RNF217: variants seen among roughly 807,000 people sequenced by gnomAD.
The protein encoded by RNF217 is E3 ubiquitin-protein ligase RNF217.
RNF217 carries 31 observed loss-of-function variants against 57.8 expected under a neutral mutation model. The observed-to-expected ratio is 0.54, with a 90% confidence interval of 0.40 to 0.72. The LOEUF is 0.72. Among genes scored for constraint, RNF217 ranks in the 30% least tolerant of loss-of-function variants. The probability of loss-of-function intolerance (pLI) is 0.00; values close to 1 mark genes in which losing one functional copy is unlikely to be tolerated. For missense variants in RNF217, 696 were observed against 708.3 expected, an observed-to-expected ratio of 0.98 and a Z score of 0.20; for synonymous variants, 313 against 294.0, an observed-to-expected ratio of 1.06 and a Z score of -0.66.
chr6:124,981,196 G>A (rs1433616289), intron 1 of RNF217, among the ~76,000 whole-genome samples: 1 of 152,120 alleles, frequency 6.6e-6, no homozygotes, highest in Admixed American at 6.5e-5. Flanking sequence ...TATATTTTAT[G>A]TTTAAAACAG....
rs184691711 is a variant in RNF217, at chr6:125,067,825, T to C, written c.1282-8832T>C. On this transcript the variant is annotated intron_variant, in intron 3 of 5. Coordinates refer to ENST00000521654, the MANE Select transcript of RNF217 (RefSeq NM_001286398.3). The stretch of plus-strand genomic sequence containing the variant: ...AGTTGAAACCATTCGAATGTGGAAG[T>C]GATCACTCAAGGAGCAAATGCAAAG... Among the ~76,000 whole-genome samples the C allele has an allele frequency of 1.7e-3, 257 of 152,164 alleles. 5 individuals are homozygous for C. Among genetic ancestry groups the C allele is most frequent in the Non-Finnish European group, 1.3e-4 (9 of 68,014 alleles).
intron 1 of RNF217, among the ~76,000 whole-genome samples, chr6:125,040,133 A>G (rs1411155324): frequency 6.6e-6 from 1 of 152,148 alleles, no homozygotes; most frequent in East Asian, 1.9e-4. Context: ...AAAACCTTCA[A>G]AAAAATCAAT....
At chr6:125,012,917 C>T (rs1194263429) in intron 1 of RNF217, among the ~76,000 whole-genome samples, 1 of 152,058 alleles carries the variant, frequency 6.6e-6, no homozygotes, top group Non-Finnish European at 1.5e-5. Flanking sequence ...TTCAGAACTT[C>T]TAGTAAAATA....
chr6:125,026,218 C>G (rs2114442572), intron 1 of RNF217, among the ~76,000 whole-genome samples: 1 of 152,236 alleles, frequency 6.6e-6, no homozygotes, highest in South Asian at 2.1e-4. Flanking sequence ...TTTTGCAAAA[C>G]CTGGGTAGAC....
chr6:125,022,238 G>C (rs949638252), intron 1 of RNF217, among the ~76,000 whole-genome samples: 1 of 152,064 alleles, frequency 6.6e-6, no homozygotes, highest in African/African-American at 2.4e-5. Flanking sequence ...TGGTTTATAG[G>C]AGAAAATACA....
chr6:124,980,635 T>A (rs1227276876), intron 1 of RNF217, among the ~76,000 whole-genome samples: 1 of 152,182 alleles, frequency 6.6e-6, no homozygotes. Context: ...GGCCTTGGGG[T>A]CATGGCTTAA....
rs139617496 is a variant in RNF217 at position 125,009,285 on chromosome 6, A to G, written c.883-35926A>G. The G allele has an allele frequency of 4.5e-4, 717 of 1,588,502 alleles. 5 individuals are homozygous for G. The African/African-American group carries it at 8.6e-3, about 19-fold the overall frequency. On this transcript the variant is annotated intron_variant, in intron 1 of 5. Coordinates refer to ENST00000521654, the MANE Select transcript of RNF217 (RefSeq NM_001286398.3). ...ACCAGTTCAAGAAAGGGATGAAGGT[A>G]AAGTACATAGATGAAGAAGCCACAT... is the stretch of plus-strand genomic sequence containing the variant.
chr6:124,969,656 T>G (rs1783687707), intron 1 of RNF217, among the ~76,000 whole-genome samples: 1 of 152,212 alleles, frequency 6.6e-6, no homozygotes, highest in Non-Finnish European at 1.5e-5. Flanking sequence ...AAATACTTAT[T>G]ACATACAAGG....
At chr6:125,053,495 A>G (rs1464444379) in intron 2 of RNF217, among the ~76,000 whole-genome samples, 1 of 152,146 alleles carries the variant, frequency 6.6e-6, no homozygotes, top group East Asian at 1.9e-4. Flanking sequence ...GATGTTGTCT[A>G]ATATTTTGAA....
rs922543273 is a variant in RNF217, at chr6:124,982,455, A to G, written c.882+19029A>G. 3.3e-5 allele frequency among the ~76,000 whole-genome samples: 5 copies of G among 152,214 alleles called. No homozygotes were observed. The South Asian group carries it at 1.0e-3, about 32-fold the overall frequency. ...TTTATCTCACTTTCCAGATACTTGGATATTTTCTATAGCAAAAATGTGGTC... is the reference window on the plus strand; with the variant it reads ...TTTATCTCACTTTCCAGATACTTGGGTATTTTCTATAGCAAAAATGTGGTC... On this transcript the variant is annotated intron_variant, in intron 1 of 5. Transcript: ENST00000521654.
intron 4 of RNF217, among the ~76,000 whole-genome samples, chr6:125,080,209 A>T (rs907752554): frequency 6.6e-6 from 1 of 152,114 alleles, no homozygotes; most frequent in African/African-American, 2.4e-5. Flanking sequence ...AGTGTACTAA[A>T]CGTAATTATT....
intron 1 of RNF217, among the ~76,000 whole-genome samples, chr6:125,044,058 GT>G (rs34890554): frequency 0.46 from 67,947 of 149,196 alleles, 15,885 homozygotes; most frequent in South Asian, 0.61. Flanking sequence ...TATGAATTTA[GT>G]TTTTTTTTTT....
At chr6:124,967,153 A>G (rs1783574727) in intron 1 of RNF217, among the ~76,000 whole-genome samples, 1 of 152,188 alleles carries the variant, frequency 6.6e-6, no homozygotes, top group Admixed American at 6.5e-5. Flanking sequence ...TGGAACATTC[A>G]TTTCAGAAGT....
chr6:125,051,553 G>T (rs966480593), intron 2 of RNF217, among the ~76,000 whole-genome samples: 1 of 151,960 alleles, frequency 6.6e-6, no homozygotes, highest in African/African-American at 2.4e-5. Flanking sequence ...CTACCAGTTG[G>T]CCATGCAGAC....
At chr6:125,004,390 G>A (rs748344088) in intron 1 of RNF217, among the ~76,000 whole-genome samples, 1 of 152,204 alleles carries the variant, frequency 6.6e-6, no homozygotes, top group African/African-American at 2.4e-5. Context: ...TACCAGCACT[G>A]TCTAGCCAAG....
intron 1 of RNF217, among the ~76,000 whole-genome samples, chr6:124,984,492 T>C (rs1187605045): frequency 6.9e-6 from 1 of 145,042 alleles, no homozygotes; most frequent in Non-Finnish European, 1.5e-5. Context: ...AAGGCTGCAG[T>C]GCGTTGTGAT....
chr6:124,987,792 A>G (rs1220951921), intron 1 of RNF217, among the ~76,000 whole-genome samples: 5 of 152,126 alleles, frequency 3.3e-5, no homozygotes, highest in African/African-American at 1.2e-4. Context: ...CAGGATGAGA[A>G]GGTGATATAG....
At chr6:125,074,061 G>A (rs913700753) in intron 3 of RNF217, among the ~76,000 whole-genome samples, 2 of 152,122 alleles carry the variant, frequency 1.3e-5, no homozygotes, top group Non-Finnish European at 2.9e-5. Flanking sequence ...TACCTGCCAA[G>A]TGTCAGTCAC....
intron 1 of RNF217, among the ~76,000 whole-genome samples, chr6:124,979,093 C>T (rs140379969): frequency 6.6e-6 from 1 of 152,154 alleles, no homozygotes; most frequent in African/African-American, 2.4e-5. Context: ...TGGTCATTGA[C>T]TCTATCCAGA....
Sources: allele counts gnomAD v4.1 joint callset (sites outside exome capture counted in the v4.1 genomes callset), GRCh38; gene constraint gnomAD v4.1.1; transcripts MANE v1.5; gene names NCBI Gene and HGNC (gene_info 2026-07-23, HGNC 2026-07-21).